The following PRSS23 variants were observed in gnomAD, a reference collection of about 807,000 sequenced individuals.
PRSS23 encodes the protein serine protease 23.
In PRSS23, 25 loss-of-function variants were observed where a neutral mutation model predicts 34.7. The ratio of observed to expected loss-of-function variants is 0.72; its 90% CI spans 0.53 to 1.01. The LOEUF (loss-of-function observed/expected upper bound fraction) is 1.01. Ranked by LOEUF, PRSS23 falls within the 50% of genes least tolerant of loss-of-function variation. The pLI is 0.00. For synonymous variants in PRSS23, 176 were observed against 186.6 expected (o/e 0.94, Z 0.46); for missense variants, 445 against 475.6 (o/e 0.94, Z 0.60).
chr11:86,824,126 A>T (rs1009266119), intron 2 of PRSS23, among the ~76,000 whole-genome samples: 8 of 151,028 alleles, frequency 5.3e-5, no homozygotes, highest in Non-Finnish European at 1.5e-5. Context: ...TGGGCAACAT[A>T]GTGAAATCCC....
chr11:86,841,365 A>AC lies in PRSS23; in HGVS notation c.206+17772_206+17773insC, dbSNP rs1423653573. Reference sequence around the variant, plus strand: ...AAAAAAAAAAAAAGAAGAAGAAAAAAAAAAAAGAACAAGGACTAGGGAAGC... The same window carrying AC: ...AAAAAAAAAAAAAGAAGAAGAAAAAACAAAAAAGAACAAGGACTAGGGAAGC... On this transcript the variant is annotated intron_variant, in intron 2 of 2. Coordinates refer to the PRSS23 transcript ENST00000533902. Among the ~76,000 whole-genome samples the AC allele has an allele frequency of 1.9e-3, 288 of 151,396 alleles. 2 individuals are homozygous for AC. The highest frequency in any genetic ancestry group is 1.0e-2 in the South Asian group (48 of 4,804).
At chr11:86,926,598 T>C (rs1949083281) in intron 2 of PRSS23, among the ~76,000 whole-genome samples, 1 of 152,218 alleles carries the variant, frequency 6.6e-6, no homozygotes, top group Non-Finnish European at 1.5e-5. Context: ...GAACACTGAC[T>C]GGACCTACTT....
intron 2 of PRSS23, among the ~76,000 whole-genome samples, chr11:86,865,167 G>A (rs770178419): frequency 1.1e-4 from 16 of 152,156 alleles, no homozygotes; most frequent in Non-Finnish European, 1.8e-4. Flanking sequence ...CCTGGAGCTG[G>A]CCCTTCTGCT....
intron 2 of PRSS23, among the ~76,000 whole-genome samples, chr11:86,839,430 C>T (rs1182665119): frequency 6.6e-6 from 1 of 152,114 alleles, no homozygotes; most frequent in Admixed American, 6.6e-5. Flanking sequence ...CTAACAAAGC[C>T]TCCAAGAAAT....
In PRSS23 at chr11:86,807,625, C is replaced by T; in HGVS notation, c.-13-6C>T. 2 of 1,587,598 alleles carry T rather than the reference C, an allele frequency of 1.3e-6. No individual in the cohort carries two copies. Among genetic ancestry groups the T allele is most frequent in the Non-Finnish European group, 1.7e-6 (2 of 1,165,900 alleles). ...CCTCCTGACCTGCTTGTCTTTGTTT[C>T]TACAGAACAGTGCTCGGCATGGCAG... On this transcript the variant is annotated splice_region_variant and splice_polypyrimidine_tract_variant and intron_variant, in intron 1 of 1. Coordinates refer to ENST00000280258, the MANE Select transcript of PRSS23 (RefSeq NM_007173.6).
rs546324032 is a variant in PRSS23 at position 86,930,984 on chromosome 11, A to C, written c.207-20232A>C. Among the ~76,000 whole-genome samples, 16 of 152,290 alleles carry C rather than the reference A, an allele frequency of 1.1e-4. No individual in the cohort carries two copies. In the Middle Eastern group the frequency reaches 0.01, roughly 97 times the overall value. ...AAGTGAGGGCCAAATTGTGCAGGCT[A>C]CGTGAAAAATGTCTGGACTTGCTCC... On this transcript the variant is annotated intron_variant, in intron 2 of 2. Coordinates refer to the PRSS23 transcript ENST00000533902.
chr11:86,837,161 T>C (rs1452049641), intron 2 of PRSS23: 3 of 152,244 alleles, frequency 2.0e-5, no homozygotes, highest in South Asian at 2.1e-4. Context: ...AAAATCATTC[T>C]CTTTGCTTTA....
At chr11:86,813,142 CT>C (rs1281958844), downstream of PRSS23, among the ~76,000 whole-genome samples, 4 of 152,242 alleles carry the variant, frequency 2.6e-5, no homozygotes, top group Non-Finnish European at 4.4e-5. Flanking sequence ...CTCCTTAGCC[CT>C]TAACTATGGT....
At chr11:86,841,915 C>T (rs185738614) in intron 2 of PRSS23, among the ~76,000 whole-genome samples, 11 of 152,286 alleles carry the variant, frequency 7.2e-5, no homozygotes, top group South Asian at 2.1e-4. Context: ...AGAGAGAATC[C>T]TCCCTAACTC....
chr11:86,798,768 T>C (rs1947999099), upstream of PRSS23, among the ~76,000 whole-genome samples: 1 of 152,084 alleles, frequency 6.6e-6, no homozygotes, highest in Non-Finnish European at 1.5e-5. Flanking sequence ...TCATAGCTCA[T>C]TGCAACCTCC....
At chr11:86,903,871 A>G (rs1382770885) in intron 2 of PRSS23, among the ~76,000 whole-genome samples, 2 of 152,136 alleles carry the variant, frequency 1.3e-5, no homozygotes, top group South Asian at 4.1e-4. Context: ...TACCTCCCTC[A>G]TGATCTTGAA....
rs575718028 is a variant in PRSS23 at position 86,847,448 on chromosome 11, A to G, written c.206+23855A>G. Among the ~76,000 whole-genome samples, 41 of 152,322 alleles carry G rather than the reference A, an allele frequency of 2.7e-4. No homozygotes were observed. The East Asian group carries it at 6.4e-3, about 24-fold the overall frequency. On this transcript the variant is annotated intron_variant, in intron 2 of 2. Coordinates refer to the PRSS23 transcript ENST00000533902. ...GGGCAAGGGAAGTTTCCATCCTGCCAGTAAGCATGGTTAAATCTGGTAGAT... is the reference window on the plus strand; with the variant it reads ...GGGCAAGGGAAGTTTCCATCCTGCCGGTAAGCATGGTTAAATCTGGTAGAT...
At chr11:86,832,559 C>T (rs1250994914) in intron 2 of PRSS23, 12 of 454,080 alleles carry the variant, frequency 2.6e-5, no homozygotes, top group Middle Eastern at 4.4e-4. Context: ...CCACAGGACC[C>T]TTTTGATGTC....
chr11:86,857,395 A>T, intron 2 of PRSS23: 1 of 276,702 alleles, frequency 3.6e-6, no homozygotes, highest in Non-Finnish European at 7.0e-6. Context: ...AAATATAGGG[A>T]TATCTAAAAT....
intron 2 of PRSS23, among the ~76,000 whole-genome samples, chr11:86,902,468 G>A (rs17758573): frequency 0.055 from 8,388 of 152,228 alleles, 286 homozygotes; most frequent in Non-Finnish European, 0.079. Context: ...GCCACTTCAG[G>A]TGTACCTGGC....
chr11:86,924,335 T>G (rs1949066559), intron 2 of PRSS23, among the ~76,000 whole-genome samples: 1 of 152,166 alleles, frequency 6.6e-6, no homozygotes, highest in Admixed American at 6.5e-5. Flanking sequence ...GGCCTCAGAA[T>G]GCATTTATTT....
In PRSS23 at chr11:86,952,100, G is replaced by C. The variant is rs1277181438; in HGVS notation, c.*815G>C. The C allele has an allele frequency of 1.9e-6, 3 of 1,614,124 alleles. No individual in the cohort carries two copies. The highest frequency in any genetic ancestry group is 2.2e-5 in the South Asian group (2 of 91,076). On this transcript the variant is annotated 3_prime_UTR_variant, in exon 3 of 3. Coordinates refer to the PRSS23 transcript ENST00000533902. ...GGCCCACACAGCCATCCAGATATCAGTGAACTCCTTGGCTGAGCGGCTGTA... is the reference window on the plus strand; with the variant it reads ...GGCCCACACAGCCATCCAGATATCACTGAACTCCTTGGCTGAGCGGCTGTA...
downstream of PRSS23, among the ~76,000 whole-genome samples, chr11:86,814,890 A>C (rs1202489304): frequency 6.6e-6 from 1 of 151,964 alleles, no homozygotes; most frequent in African/African-American, 2.4e-5. Flanking sequence ...GTGCAGGGTG[A>C]CTCTTCACTG....
intron 2 of PRSS23, among the ~76,000 whole-genome samples, chr11:86,833,989 T>C (rs1279498109): frequency 6.6e-6 from 1 of 152,180 alleles, no homozygotes; most frequent in Non-Finnish European, 1.5e-5. Context: ...CAGGGGTCCA[T>C]GGTAGATCTT....
Sources: allele counts gnomAD v4.1 joint callset (sites outside exome capture counted in the v4.1 genomes callset), GRCh38; gene constraint gnomAD v4.1.1; transcripts MANE v1.5; gene names NCBI Gene and HGNC (gene_info 2026-07-23, HGNC 2026-07-21).